ASS1: variants seen among roughly 807,000 people sequenced by gnomAD.
ASS1 encodes argininosuccinate synthase 1.
Under a neutral mutation model 60.5 loss-of-function variants are expected in ASS1, and 58 were observed. That is an observed-to-expected ratio of 0.96 (90% CI 0.78 to 1.19). The LOEUF (loss-of-function observed/expected upper bound fraction) is 1.19, where lower values mean the gene tolerates loss of function less well. ASS1 is among the 50% of genes most tolerant of loss of function. The pLI is 0.00. For synonymous variants in ASS1, 200 were observed against 206.9 expected, an observed-to-expected ratio of 0.97 and a Z score of 0.29; for missense variants, 454 against 547.3, an observed-to-expected ratio of 0.83 and a Z score of 1.70.
intron 13 of ASS1, among the ~76,000 whole-genome samples, chr9:130,496,760 C>T (rs1008893170): frequency 1.6e-4 from 25 of 152,174 alleles, no homozygotes; most frequent in Non-Finnish European, 7.4e-5. Context: ...GTGTCCGCCC[C>T]GTGGATGAGA....
At position 130,488,209 on chromosome 9, in the gene ASS1, G is replaced by C. The variant is rs1846354997; in HGVS notation, c.839-1124G>C. The stretch of plus-strand genomic sequence containing the variant: ...AACATGAGTGTACAAATCCTTTCTG[G>C]GTTTTTTTCAAGCAGCCACTGTAGA... On this transcript the variant is annotated intron_variant, in intron 11 of 14. Coordinates refer to ENST00000352480, the MANE Select transcript of ASS1 (RefSeq NM_054012.4). This position sits in a 1 kb window ranked among gnomAD's most constrained non-coding sequence, Gnocchi z 5.2. Among the ~76,000 whole-genome samples the C allele has an allele frequency of 6.6e-6, 1 of 152,192 alleles. No homozygotes were observed. Among genetic ancestry groups the C allele is most frequent in the South Asian group, 2.1e-4 (1 of 4,800 alleles).
At chr9:130,479,849 C>A in intron 10 of ASS1, 49 bp downstream of exon 10, 1 of 1,561,340 alleles carries the variant, frequency 6.4e-7, no homozygotes, top group Non-Finnish European at 8.8e-7. Flanking sequence ...CCGTCTCGGG[C>A]GAGCACGAGC....
rs1055116262 is a variant in ASS1, at chr9:130,459,215, G to A, written c.363+626G>A. On this transcript the variant is annotated intron_variant, in intron 4 of 14. Coordinates refer to ENST00000352480, the MANE Select transcript of ASS1 (RefSeq NM_054012.4). The surrounding 1 kb of genome is among the most constrained non-coding windows in gnomAD (Gnocchi z 4.6). ...CCTCTGAAGGTGCCAGGAAGCCTCC[G>A]GCTCAGGCCTCTCTCCAGCTTCCAG... 6.6e-6 allele frequency among the ~76,000 whole-genome samples: 1 copy of A among 152,144 alleles called. No homozygotes were observed. Among genetic ancestry groups the A allele is most frequent in the Admixed American group, 6.5e-5 (1 of 15,268 alleles).
rs550875328 is a variant in ASS1, at chr9:130,488,792, C to T, written c.839-541C>T. Among the ~76,000 whole-genome samples, 12 of 152,310 alleles carry T rather than the reference C, an allele frequency of 7.9e-5. No individual in the cohort carries two copies. Among genetic ancestry groups the T allele is most frequent in the East Asian group, 5.8e-4 (3 of 5,176 alleles). ...CTTGAGCTCAGTTTCCCCATCTGCA[C>T]GGTGCGGTCAGCCTAGGTGATTGCC... On this transcript the variant is annotated intron_variant, in intron 11 of 14. Coordinates refer to ENST00000352480, the MANE Select transcript of ASS1 (RefSeq NM_054012.4). The surrounding 1 kb of genome is among the most constrained non-coding windows in gnomAD (Gnocchi z 5.2).
chr9:130,494,989 TC>T lies in ASS1; in HGVS notation c.1097del (p.Pro366HisfsTer10). Reference sequence around the variant, plus strand: ...CCAGGTGTACATCCTCGGCCGGGAGTCCCCACTGTCTCTCTACAATGAGGAG... The same window carrying T: ...CCAGGTGTACATCCTCGGCCGGGAGTCCCACTGTCTCTCTACAATGAGGAG... ...KGQVYILGRE[S>X]PLSLYNEELV... On this transcript the variant is annotated frameshift_variant, in exon 13 of 15. Transcript: ENST00000352480. LOFTEE classifies it high-confidence loss of function. This position sits in a 1 kb window ranked among gnomAD's most constrained non-coding sequence, Gnocchi z 4.3. The T allele has an allele frequency of 6.2e-7, 1 of 1,612,708 alleles. No individual in the cohort carries two copies.
Position 130,467,367 on chromosome 9 carries a change from G to A in ASS1, c.495+568G>A, listed in dbSNP as rs1002304713. 3.9e-5 allele frequency among the ~76,000 whole-genome samples: 6 copies of A among 152,230 alleles called. No homozygotes were observed. The South Asian group carries it at 8.3e-4, about 21-fold the overall frequency. On this transcript the variant is annotated intron_variant, in intron 6 of 14. Transcript: ENST00000352480. ...AAGTTTTGCATCAAGATCCTTAGCC[G>A]CTCCCCAGGGCACCTTTCTTTTTAG...
In ASS1 at chr9:130,458,644, AAGG is replaced by A. The variant is rs1221339956; in HGVS notation, c.363+58_363+60del. On this transcript the variant is annotated intron_variant, in intron 4 of 14. Coordinates refer to ENST00000352480, the MANE Select transcript of ASS1 (RefSeq NM_054012.4). ...GGAGATGGAGGCGGAGGGGTGTGGGAAGGAGATGAGCACCCCTCGAGCGGTTTC... is the reference window on the plus strand; with the variant it reads ...GGAGATGGAGGCGGAGGGGTGTGGGAAGATGAGCACCCCTCGAGCGGTTTC... 15 of 1,583,606 alleles carry A rather than the reference AAGG, an allele frequency of 9.5e-6. No individual in the cohort carries two copies. In the East Asian group the frequency reaches 3.2e-4, roughly 34 times the overall value.
chr9:130,499,211 A>G (rs911714734), intron 13 of ASS1, among the ~76,000 whole-genome samples: 1 of 152,198 alleles, frequency 6.6e-6, no homozygotes, highest in Non-Finnish European at 1.5e-5. Context: ...TGGAATTCAT[A>G]GGGCTAGTTC....
rs80009204 is a variant in ASS1, at chr9:130,455,698, G to C, written c.174+1325G>C. Among the ~76,000 whole-genome samples the C allele has an allele frequency of 5.3e-4, 81 of 152,366 alleles. No homozygotes were observed. In the East Asian group the frequency reaches 0.015, roughly 28 times the overall value. On this transcript the variant is annotated intron_variant, in intron 3 of 14. Coordinates refer to ENST00000352480, the MANE Select transcript of ASS1 (RefSeq NM_054012.4). ...TGCTCACATGTGCTCACTCCCCATG[G>C]AGAAGCCCTTGCCACTTGTGCCCCT...
intron 5 of ASS1, 157 bp from the exon 6 acceptor site, chr9:130,466,568 C>T: frequency 1.4e-6 from 1 of 718,228 alleles, no homozygotes; most frequent in Non-Finnish European, 2.4e-6. Context: ...TCCCCTCCTT[C>T]ATGGGGCTCC....
In ASS1 at chr9:130,476,422, C is replaced by T. The variant is rs1846020827; in HGVS notation, c.598-449C>T. The T allele has an allele frequency of 4.7e-6, 1 of 212,642 alleles. No individual in the cohort carries two copies. Among genetic ancestry groups the T allele is most frequent in the Non-Finnish European group, 9.4e-6 (1 of 106,102 alleles). 13.2% of individuals were successfully genotyped at this position (212,642 alleles called of 1,614,324 possible). Reference sequence around the variant, plus strand: ...TTAACCTTGGGGACCCTGGGGACGGCTCGGCTTGCCAGAGCACCTGCTGGG... The same window carrying T: ...TTAACCTTGGGGACCCTGGGGACGGTTCGGCTTGCCAGAGCACCTGCTGGG... On this transcript the variant is annotated intron_variant, in intron 8 of 14. Transcript: ENST00000352480. The surrounding 1 kb of genome is among the most constrained non-coding windows in gnomAD (Gnocchi z 4.9).
intron 14 of ASS1, among the ~76,000 whole-genome samples, chr9:130,500,019 A>T (rs559179503): frequency 3.9e-5 from 6 of 152,318 alleles, no homozygotes; most frequent in African/African-American, 1.4e-4. Flanking sequence ...GGTGCACGTC[A>T]TCTGAAGTCA....
At chr9:130,500,127 G>C (rs1414981340) in intron 14 of ASS1, among the ~76,000 whole-genome samples, 1 of 152,132 alleles carries the variant, frequency 6.6e-6, no homozygotes, top group Non-Finnish European at 1.5e-5. Flanking sequence ...TGGAAATCAA[G>C]CATGCGGCTC....
At chr9:130,500,888 C>A in intron 14 of ASS1, 88 bp from the exon 15 acceptor site, 2 of 1,439,466 alleles carry the variant, frequency 1.4e-6, no homozygotes, top group Non-Finnish European at 9.7e-7. Flanking sequence ...GCTGCCCCAG[C>A]CACCCCAGCT....
chr9:130,479,251 C>T (rs191468041), intron 9 of ASS1, among the ~76,000 whole-genome samples: 142 of 152,032 alleles, frequency 9.3e-4, no homozygotes, highest in Non-Finnish European at 1.7e-3. Flanking sequence ...GGTCGGGGCG[C>T]GGGGTCCGCC....
chr9:130,485,008 G>C (rs907012455), intron 11 of ASS1, among the ~76,000 whole-genome samples: 4 of 152,136 alleles, frequency 2.6e-5, no homozygotes, highest in Non-Finnish European at 5.9e-5. Flanking sequence ...CCAGGAAGCC[G>C]GTGCTGGGGG....
intron 11 of ASS1, among the ~76,000 whole-genome samples, chr9:130,485,821 T>C (rs1165396936): frequency 6.6e-6 from 1 of 152,240 alleles, no homozygotes; most frequent in Non-Finnish European, 1.5e-5. Context: ...ATAAGGTTTC[T>C]AGGCTGATTG....
intron 6 of ASS1, among the ~76,000 whole-genome samples, chr9:130,467,233 C>G (rs565078757): frequency 6.6e-6 from 1 of 152,284 alleles, no homozygotes; most frequent in South Asian, 2.1e-4. Context: ...TACTAATTGC[C>G]CCTAGCGCTT....
intron 1 of ASS1, chr9:130,445,260 C>G (rs1003154976): frequency 8.2e-5 from 77 of 937,496 alleles, no homozygotes; most frequent in Non-Finnish European, 9.6e-5. Context: ...GTCCCCGGGT[C>G]CGAAGAGCGG....
Sources: gnomAD v4.1 joint callset for allele counts (sites outside exome capture counted in the v4.1 genomes callset) on GRCh38, gnomAD v4.1.1 for gene constraint, Gnocchi (gnomAD v3.1) non-coding constraint, MANE v1.5 for transcripts, NCBI Gene and HGNC (gene_info 2026-07-23, HGNC 2026-07-21) for gene names.